DPYD: variants seen among roughly 807,000 people sequenced by gnomAD.
DPYD encodes dihydropyrimidine dehydrogenase [NADP(+)].
A neutral mutation model predicts 116.2 loss-of-function variants in DPYD; 109 were observed. The observed-to-expected ratio is 0.94, with a 90% CI of 0.80 to 1.10. DPYD has a LOEUF of 1.10. DPYD is among the 50% of genes least tolerant of loss of function. The probability of loss-of-function intolerance (pLI) is 0.00; values close to 1 mark genes in which losing one functional copy is unlikely to be tolerated. For synonymous variants in DPYD, 440 were observed against 432.0 expected (o/e 1.02, Z -0.23); for missense variants, 1,302 against 1,254.5 (o/e 1.04, Z -0.57).
At position 97,631,543 on chromosome 1, in the gene DPYD, G is replaced by A. The variant is rs537133901; in HGVS notation, c.851-36377C>T. 3.3e-5 allele frequency among the ~76,000 whole-genome samples: 5 copies of A among 151,946 alleles called. No individual in the cohort carries two copies. In the East Asian group the frequency reaches 9.7e-4, roughly 29 times the overall value. On this transcript the variant is annotated intron_variant, in intron 8 of 22. Transcript: ENST00000370192. Reference sequence around the variant, plus strand: ...GATTTATGTTGACAAAAGAGTAAGAGAGCAAATGTATAAAGCAAAAAAGAG... The same window carrying A: ...GATTTATGTTGACAAAAGAGTAAGAAAGCAAATGTATAAAGCAAAAAAGAG...
At chr1:97,250,269 C>CA (rs2100807134) in intron 18 of DPYD, among the ~76,000 whole-genome samples, 1 of 151,228 alleles carries the variant, frequency 6.6e-6, no homozygotes, top group African/African-American at 2.4e-5. Context: ...GACTCCATCT[C>CA]AAAAAAATAA....
intron 3 of DPYD, among the ~76,000 whole-genome samples, chr1:97,821,605 T>C (rs1668941108): frequency 6.6e-6 from 1 of 152,102 alleles, no homozygotes; most frequent in Non-Finnish European, 1.5e-5. Flanking sequence ...TAAAATGCTT[T>C]TTCTTTGATT....
chr1:97,212,034 T>A (rs1660064339), intron 19 of DPYD, among the ~76,000 whole-genome samples: 1 of 152,184 alleles, frequency 6.6e-6, no homozygotes, highest in African/African-American at 2.4e-5. Flanking sequence ...ATTTAAGCTA[T>A]CTTTAAGTAT....
At chr1:97,801,273 G>A (rs1029553451) in intron 3 of DPYD, among the ~76,000 whole-genome samples, 2 of 151,842 alleles carry the variant, frequency 1.3e-5, no homozygotes, top group African/African-American at 4.8e-5. Flanking sequence ...ACCTCTACTG[G>A]CTCCTTGATC....
chr1:97,705,909 T>G (rs1661918091), intron 5 of DPYD, among the ~76,000 whole-genome samples: 1 of 152,076 alleles, frequency 6.6e-6, no homozygotes, highest in Non-Finnish European at 1.5e-5. Flanking sequence ...TTTTCATGTG[T>G]TTTTTGGCCG....
In DPYD at chr1:97,372,641, A is replaced by G. The variant is rs565642997; in HGVS notation, c.2058+920T>C. On this transcript the variant is annotated intron_variant, in intron 16 of 22. Transcript: ENST00000370192. ...TACTTTAAAATTCTTCCTGAATGCT[A>G]ATACAAAGATAGCAATCTATGTTCA... Among the ~76,000 whole-genome samples, 7 of 152,304 alleles carry G rather than the reference A, an allele frequency of 4.6e-5. No homozygotes were observed. In the East Asian group the frequency reaches 1.3e-3, roughly 29 times the overall value.
intron 9 of DPYD, among the ~76,000 whole-genome samples, chr1:97,593,828 C>G (rs939680342): frequency 3.9e-5 from 6 of 152,252 alleles, no homozygotes; most frequent in Non-Finnish European, 7.4e-5. Flanking sequence ...TAATTTCTAA[C>G]ACATACCTCT....
intron 3 of DPYD, among the ~76,000 whole-genome samples, chr1:97,796,009 T>C (rs1667551062): frequency 6.6e-6 from 1 of 152,074 alleles, no homozygotes. Flanking sequence ...GGTAATAGCT[T>C]AAAACTTGTA....
intron 20 of DPYD, among the ~76,000 whole-genome samples, chr1:97,164,102 G>A (rs1276702448): frequency 6.6e-6 from 1 of 152,060 alleles, no homozygotes; most frequent in African/African-American, 2.4e-5. Context: ...TTTATCCCTG[G>A]GGTGCAAGGT....
chr1:97,483,902 C>G (rs981887201), intron 13 of DPYD, among the ~76,000 whole-genome samples: 2 of 151,702 alleles, frequency 1.3e-5, no homozygotes, highest in Non-Finnish European at 2.9e-5. Flanking sequence ...AAAAAATTAT[C>G]TTCTTTATAC....
In DPYD at chr1:97,699,212, C is replaced by T. The variant is rs6668296; in HGVS notation, c.680+139G>A. The T allele has an allele frequency of 0.12, 111,274 of 960,132 alleles. 7,163 individuals carry two copies. The highest frequency in any genetic ancestry group is 0.18 in the African/African-American group (10,610 of 60,020). The allele number at this position is 960,132 out of a possible 1,614,324, so 59.5% of individuals were successfully genotyped here. A position where few individuals can be genotyped will look rare whatever the true frequency, so the allele number is the denominator to read the frequency against. ...TTTAAAGTGAATAATGTAATCAAAACTTGAACATTTGGAAAAAGAACATTT... is the reference window on the plus strand; with the variant it reads ...TTTAAAGTGAATAATGTAATCAAAATTTGAACATTTGGAAAAAGAACATTT... On this transcript the variant is annotated intron_variant, in intron 6 of 22. Coordinates refer to ENST00000370192, the MANE Select transcript of DPYD (RefSeq NM_000110.4).
chr1:97,719,523 C>G (rs1256217917), intron 5 of DPYD, among the ~76,000 whole-genome samples: 1 of 151,910 alleles, frequency 6.6e-6, no homozygotes, highest in Non-Finnish European at 1.5e-5. Context: ...TATTACACTT[C>G]AACTTAAATA....
rs527538296 is a variant in DPYD, at chr1:97,344,406, T to C, written c.2058+29155A>G. 8.6e-5 allele frequency among the ~76,000 whole-genome samples: 13 copies of C among 152,014 alleles called. No homozygotes were observed. The South Asian group carries it at 2.1e-3, about 24-fold the overall frequency. Reference sequence around the variant, plus strand: ...TTGAGAATTGTTCATATATAGACAATTGTACAAAGAAATGAAAGTTCTCCT... The same window carrying C: ...TTGAGAATTGTTCATATATAGACAACTGTACAAAGAAATGAAAGTTCTCCT... On this transcript the variant is annotated intron_variant, in intron 16 of 22. Coordinates refer to ENST00000370192, the MANE Select transcript of DPYD (RefSeq NM_000110.4).
At chr1:97,592,918 T>G (rs913729011) in intron 10 of DPYD, among the ~76,000 whole-genome samples, 1 of 152,190 alleles carries the variant, frequency 6.6e-6, no homozygotes, top group Non-Finnish European at 1.5e-5. Context: ...ATTCAGGATA[T>G]GGAAGACTTA....
intron 1 of DPYD, among the ~76,000 whole-genome samples, chr1:97,893,462 A>ATG (rs1553256548): frequency 0.017 from 2,419 of 139,816 alleles, 42 homozygotes; most frequent in East Asian, 0.034. Context: ...ATATATATAT[A>ATG]GCAATGGAGA....
chr1:97,352,975 G>GCAC, intron 16 of DPYD, among the ~76,000 whole-genome samples: 1 of 152,016 alleles, frequency 6.6e-6, no homozygotes, highest in East Asian at 1.9e-4. Context: ...AAGGGGGGTG[G>GCAC]GGGAGCCCAT....
intron 3 of DPYD, among the ~76,000 whole-genome samples, chr1:97,765,960 G>A (rs567370200): frequency 8.5e-5 from 13 of 152,210 alleles, no homozygotes; most frequent in African/African-American, 2.9e-4. Context: ...TAAAACTGTT[G>A]TGGCCAGGTG....
At chr1:97,499,348 A>G (rs748265723) in intron 13 of DPYD, among the ~76,000 whole-genome samples, 27 of 151,796 alleles carry the variant, frequency 1.8e-4, no homozygotes, top group Non-Finnish European at 3.2e-4. Context: ...TCTTGAAATA[A>G]ATATTTTTAT....
chr1:97,090,166 C>T (rs1649804422), intron 21 of DPYD, among the ~76,000 whole-genome samples: 1 of 152,060 alleles, frequency 6.6e-6, no homozygotes, highest in African/African-American at 2.4e-5. Context: ...GATTTAAGGT[C>T]CCATGGCTGC....
Sources: allele counts gnomAD v4.1 joint callset (sites outside exome capture counted in the v4.1 genomes callset), GRCh38; gene constraint gnomAD v4.1.1; transcripts MANE v1.5; gene names NCBI Gene and HGNC (gene_info 2026-07-23, HGNC 2026-07-21).